PCDHA6: variants seen among roughly 807,000 people sequenced by gnomAD.
The protein encoded by PCDHA6 is protocadherin alpha 6, also known as protocadherin alpha-6.
Under a neutral mutation model 60.3 loss-of-function variants are expected in PCDHA6, and 55 were observed. The ratio of observed to expected loss-of-function variants is 0.91; its 90% CI spans 0.73 to 1.14. The LOEUF (loss-of-function observed/expected upper bound fraction) is 1.14. PCDHA6 is among the 50% of genes most tolerant of loss of function. PCDHA6 has a pLI of 0.00. For missense variants in PCDHA6, 1,327 were observed against 1,256.5 expected (o/e 1.06, Z -0.85); for synonymous variants, 652 against 557.9 (o/e 1.17, Z -2.38).
chr5:140,967,841 A>G, intron 1 of PCDHA6: 1 of 1,614,114 alleles, frequency 6.2e-7, no homozygotes, highest in Non-Finnish European at 8.5e-7. Flanking sequence ...CGTGGACGTG[A>G]ATGACAATGC....
intron 1 of PCDHA6, among the ~76,000 whole-genome samples, chr5:140,917,287 G>C (rs190210744): frequency 6.8e-6 from 1 of 147,568 alleles, no homozygotes; most frequent in Non-Finnish European, 1.5e-5. Context: ...ACGCTTTTCC[G>C]TGTGCAGATA....
At chr5:140,926,938 G>C in intron 1 of PCDHA6, 1 of 1,581,492 alleles carries the variant, frequency 6.3e-7, no homozygotes. Context: ...GGTTTCCTGC[G>C]GCGCTGCAGC....
intron 1 of PCDHA6, chr5:140,864,797 G>C (rs868909450): frequency 1.3e-5 from 2 of 152,026 alleles, no homozygotes; most frequent in Non-Finnish European, 2.9e-5. Flanking sequence ...AATATTTTAG[G>C]GTAGGAAAAT....
chr5:140,901,575 C>T (rs1554189900), intron 1 of PCDHA6, among the ~76,000 whole-genome samples: 1 of 152,030 alleles, frequency 6.6e-6, no homozygotes, highest in African/African-American at 2.4e-5. Context: ...GTTTTTATGC[C>T]AGTGCCATGA....
intron 1 of PCDHA6, among the ~76,000 whole-genome samples, chr5:140,963,771 G>A (rs2095789886): frequency 6.6e-6 from 1 of 152,164 alleles, no homozygotes; most frequent in South Asian, 2.1e-4. Context: ...ATTTCATGAC[G>A]ACAGCAACAA....
At chr5:140,836,397 A>G (rs1554135905) in intron 1 of PCDHA6, 6 of 1,613,640 alleles carry the variant, frequency 3.7e-6, no homozygotes, top group Non-Finnish European at 5.1e-6. Flanking sequence ...GCTGGTGGAA[A>G]GCGGCCAGGC....
chr5:140,889,824 C>A (rs1396428338), intron 1 of PCDHA6, among the ~76,000 whole-genome samples: 3 of 152,102 alleles, frequency 2.0e-5, no homozygotes, highest in African/African-American at 4.8e-5. Context: ...CATAAGAAGT[C>A]TTACAGTATG....
At chr5:140,991,614 A>G (rs1554252334) in intron 3 of PCDHA6, among the ~76,000 whole-genome samples, 2 of 152,194 alleles carry the variant, frequency 1.3e-5, no homozygotes, top group Non-Finnish European at 2.9e-5. Flanking sequence ...AGCACCTTTA[A>G]TGCCATATTT....
At chr5:140,921,695 A>G (rs1190217757) in intron 1 of PCDHA6, among the ~76,000 whole-genome samples, 1 of 152,216 alleles carries the variant, frequency 6.6e-6, no homozygotes, top group Admixed American at 6.5e-5. Context: ...GGCCACCTCA[A>G]TTTTAAACAG....
Position 140,842,830 on chromosome 5 carries a change from G to C in PCDHA6, c.2394+12345G>C. On this transcript the variant is annotated intron_variant, in intron 1 of 3. Transcript: ENST00000529310. Reference sequence around the variant, plus strand: ...TGGAGCGGCGGGTGGGCGAGCGCTCGCTGTCGAGCTACATTTCGGTGCACA... The same window carrying C: ...TGGAGCGGCGGGTGGGCGAGCGCTCCCTGTCGAGCTACATTTCGGTGCACA... 2.4e-5 allele frequency: 39 copies of C among 1,593,780 alleles called. 3 individuals carry two copies. The highest frequency in any genetic ancestry group is 3.2e-5 in the Non-Finnish European group (37 of 1,165,316).
chr5:140,930,084 A>T (rs1350674790), intron 1 of PCDHA6: 2 of 152,142 alleles, frequency 1.3e-5, no homozygotes, highest in Non-Finnish European at 2.9e-5. Flanking sequence ...CTCTCATAAC[A>T]TCTATTTATA....
At chr5:140,836,123 T>A (rs1214014408) in intron 1 of PCDHA6, 36 of 1,613,538 alleles carry the variant, frequency 2.2e-5, no homozygotes, top group Non-Finnish European at 3.0e-5. Context: ...TGAGAGAGCT[T>A]GTGCCGCGGT....
intron 1 of PCDHA6, among the ~76,000 whole-genome samples, chr5:140,962,883 T>C (rs570394633): frequency 5.6e-4 from 86 of 152,222 alleles, no homozygotes; most frequent in Non-Finnish European, 1.0e-3. Flanking sequence ...ATACATGAAT[T>C]AAAAAATGAA....
chr5:140,941,202 C>CCTTCCTTTCTTTCTTTCTTT lies in PCDHA6; in HGVS notation c.2395-37744_2395-37743insCCTTTCTTTCTTTCTTTCTT, dbSNP rs1554213920. 2.0e-4 allele frequency among the ~76,000 whole-genome samples: 24 copies of CCTTCCTTTCTTTCTTTCTTT among 122,828 alleles called. 1 individual carries two copies. Among genetic ancestry groups the CCTTCCTTTCTTTCTTTCTTT allele is most frequent in the Non-Finnish European group, 2.3e-4 (13 of 55,838 alleles). The allele number at this position is 122,828 out of a possible 152,430, so 80.6% of individuals were successfully genotyped here. A position where few individuals can be genotyped will look rare whatever the true frequency, so the allele number is the denominator to read the frequency against. ...TCCTGCTTCTTTTTTTTTCTTTCTTCCTTTCTTTCTTCCTTTCTTTCTTTC... is the reference window on the plus strand; with the variant it reads ...TCCTGCTTCTTTTTTTTTCTTTCTTCCTTCCTTTCTTTCTTTCTTTCTTTCTTTCTTCCTTTCTTTCTTTC... On this transcript the variant is annotated intron_variant, in intron 1 of 3. Coordinates refer to ENST00000529310, the MANE Select transcript of PCDHA6 (RefSeq NM_018909.4).
chr5:140,890,043 G>GT (rs1255415089), intron 1 of PCDHA6, among the ~76,000 whole-genome samples: 1 of 152,192 alleles, frequency 6.6e-6, no homozygotes, highest in Non-Finnish European at 1.5e-5. Context: ...ACTGTAGTGT[G>GT]TTGGAGCTGG....
At position 140,849,784 on chromosome 5, in the gene PCDHA6, G is replaced by A. The variant is rs2150449940; in HGVS notation, c.2394+19299G>A. The A allele has an allele frequency of 3.8e-6, 6 of 1,598,104 alleles. No homozygotes were observed. The East Asian group carries it at 1.3e-4, about 36-fold the overall frequency. ...GAGCTGGTGGTTACCGCGCGGGACG[G>A]GGGCTCGCCTTCACTGTGGGCCACG... On this transcript the variant is annotated intron_variant, in intron 1 of 3. Coordinates refer to ENST00000529310, the MANE Select transcript of PCDHA6 (RefSeq NM_018909.4).
chr5:141,002,941 C>G (rs964416301), intron 3 of PCDHA6, among the ~76,000 whole-genome samples: 18 of 152,216 alleles, frequency 1.2e-4, no homozygotes, highest in African/African-American at 4.1e-4. Flanking sequence ...CACCCTCCAG[C>G]ACATGCCCCT....
intron 1 of PCDHA6, chr5:140,966,800 G>A: frequency 6.5e-7 from 1 of 1,540,654 alleles, no homozygotes; most frequent in Non-Finnish European, 8.7e-7. Context: ...TGCGGCGACA[G>A]AGCATCCACG....
chr5:140,996,130 G>A (rs1185857732), intron 3 of PCDHA6, among the ~76,000 whole-genome samples: 2 of 152,162 alleles, frequency 1.3e-5, no homozygotes, highest in African/African-American at 4.8e-5. Flanking sequence ...GGTGTAGAGG[G>A]TTCTCCCATT....
Sources: allele counts gnomAD v4.1 joint callset (sites outside exome capture counted in the v4.1 genomes callset), GRCh38; gene constraint gnomAD v4.1.1; transcripts MANE v1.5; gene names NCBI Gene and HGNC (gene_info 2026-07-23, HGNC 2026-07-21).